The following OSBPL6 variants were observed in gnomAD, a reference collection of about 807,000 sequenced individuals.
The protein encoded by OSBPL6 is oxysterol-binding protein-related protein 6.
In OSBPL6, 49 loss-of-function variants were observed where a neutral mutation model predicts 125.8. The ratio of observed to expected loss-of-function variants is 0.39; its 90% CI spans 0.31 to 0.49. The LOEUF (loss-of-function observed/expected upper bound fraction) is 0.49. Ranked by LOEUF, OSBPL6 falls within the 20% of genes least tolerant of loss-of-function variation. The probability of loss-of-function intolerance (pLI) is 0.88; values close to 1 mark genes in which losing one functional copy is unlikely to be tolerated. For synonymous variants in OSBPL6, 394 were observed against 391.8 expected, an observed-to-expected ratio of 1.01 and a Z score of -0.07; for missense variants, 986 against 1,135.4, an observed-to-expected ratio of 0.87 and a Z score of 1.89.
intron 8 of OSBPL6, among the ~76,000 whole-genome samples, chr2:178,334,373 A>G (rs1689490497): frequency 6.6e-6 from 1 of 152,206 alleles, no homozygotes; most frequent in Non-Finnish European, 1.5e-5. Flanking sequence ...AAACCATTGA[A>G]AAACCTCATA....
At position 178,400,212 on chromosome 2, in the gene OSBPL6, T is replaced by C. The variant is rs1323330714; in HGVS notation, c.*4653T>C. On this transcript the variant is annotated 3_prime_UTR_variant, in exon 25 of 25. Coordinates refer to ENST00000190611, the MANE Select transcript of OSBPL6 (RefSeq NM_032523.4). Reference sequence around the variant, plus strand: ...CTTAATTCTCATCTATTTAGTTTTTTAATAAAATTGTTGCTAGAATTTTTT... The same window carrying C: ...CTTAATTCTCATCTATTTAGTTTTTCAATAAAATTGTTGCTAGAATTTTTT... The C allele has an allele frequency of 6.6e-6, 1 of 152,090 alleles. No homozygotes were observed. Among genetic ancestry groups the C allele is most frequent in the Non-Finnish European group, 1.5e-5 (1 of 68,018 alleles). The allele number at this position is 152,090 out of a possible 1,614,324, so 9.4% of individuals were successfully genotyped here.
intron 3 of OSBPL6, among the ~76,000 whole-genome samples, chr2:178,317,437 CATAT>C (rs6147046): frequency 0.016 from 1,747 of 106,612 alleles, 15 homozygotes; most frequent in African/African-American, 0.043. Flanking sequence ...ACTTAGACAC[CATAT>C]ATATATATAT....
chr2:178,402,241 C>T lies in OSBPL6; in HGVS notation c.*6682C>T, dbSNP rs1039935336. On this transcript the variant is annotated 3_prime_UTR_variant, in exon 25 of 25. Transcript: ENST00000190611. ...ATATGGAGATAAAGAGTGGGGAGGA[C>T]AGAACTCTGAAACCTAAAAGGCAAG... is the stretch of plus-strand genomic sequence containing the variant. 1.3e-5 allele frequency: 2 copies of T among 152,130 alleles called. No individual in the cohort carries two copies. The highest frequency in any genetic ancestry group is 6.5e-5 in the Admixed American group (1 of 15,274). The allele number at this position is 152,130 out of a possible 1,614,324, so 9.4% of individuals were successfully genotyped here.
chr2:178,262,729 A>C (rs2092102363), intron 1 of OSBPL6, among the ~76,000 whole-genome samples: 1 of 152,184 alleles, frequency 6.6e-6, no homozygotes, highest in Admixed American at 6.5e-5. Flanking sequence ...TGAATGCTTA[A>C]GTTTCTAAAT....
chr2:178,344,198 C>T, intron 11 of OSBPL6: 1 of 1,201,472 alleles, frequency 8.3e-7, no homozygotes, highest in Admixed American at 1.8e-5. Context: ...CTCTCCCTCT[C>T]CTTGTCTGAT....
intron 2 of OSBPL6, among the ~76,000 whole-genome samples, chr2:178,288,646 T>C (rs1174879242): frequency 2.0e-5 from 3 of 152,016 alleles, no homozygotes; most frequent in African/African-American, 7.2e-5. Context: ...AGGGACTTTT[T>C]TTTTTTTTTT....
Position 178,235,398 on chromosome 2 carries a change from C to CTTTTTTTTTTT in OSBPL6, c.-351+40740_-351+40750dup, listed in dbSNP as rs540269327. On this transcript the variant is annotated intron_variant, in intron 1 of 24. Transcript: ENST00000190611. ...CTTTCTTTCCTTTTTCTTTTCTTTT[C>CTTTTTTTTTTT]TTTTTTTTTTTTTTTTTTTTTTTTT... Among the ~76,000 whole-genome samples the CTTTTTTTTTTT allele has an allele frequency of 3.6e-3, 279 of 78,040 alleles. 10 individuals are homozygous for CTTTTTTTTTTT. Among genetic ancestry groups the CTTTTTTTTTTT allele is most frequent in the Admixed American group, 5.4e-3 (28 of 5,204 alleles). The allele number at this position is 78,040 out of a possible 152,430, so 51.2% of individuals were successfully genotyped here. A position where few individuals can be genotyped will look rare whatever the true frequency, so the allele number is the denominator to read the frequency against.
chr2:178,376,681 C>T (rs1008896432), intron 15 of OSBPL6, among the ~76,000 whole-genome samples: 1 of 152,154 alleles, frequency 6.6e-6, no homozygotes, highest in Non-Finnish European at 1.5e-5. Context: ...AAACAAAGAC[C>T]GTTATAATCT....
intron 1 of OSBPL6, among the ~76,000 whole-genome samples, chr2:178,238,853 T>C (rs1206281281): frequency 2.6e-5 from 4 of 152,160 alleles, no homozygotes; most frequent in Non-Finnish European, 4.4e-5. Flanking sequence ...ATGTAGGTAC[T>C]TCCCCCCAAC....
chr2:178,306,022 G>T lies in OSBPL6; in HGVS notation c.-155-8G>T. 2 of 522,492 alleles carry T rather than the reference G, an allele frequency of 3.8e-6. No individual in the cohort carries two copies. Among genetic ancestry groups the T allele is most frequent in the Non-Finnish European group, 3.4e-6 (1 of 291,406 alleles). 32.4% of individuals were successfully genotyped at this position (522,492 alleles called of 1,614,324 possible). A position where few individuals can be genotyped will look rare whatever the true frequency, so the allele number is the denominator to read the frequency against. On this transcript the variant is annotated splice_region_variant and splice_polypyrimidine_tract_variant and intron_variant, in intron 2 of 24. Transcript: ENST00000190611. ...TACTTATATGAGGCTTGTTTGTTTT[G>T]CTTTTAGGTGGTTTGGACACCCTCA...
chr2:178,366,694 C>T (rs1028865339), intron 13 of OSBPL6, among the ~76,000 whole-genome samples: 23 of 152,180 alleles, frequency 1.5e-4, no homozygotes, highest in Admixed American at 2.6e-4. Context: ...CTGTCATCCT[C>T]CCTGTCCACA....
Position 178,374,013 on chromosome 2 carries a change from T to G in OSBPL6, c.1519T>G (p.Ser507Ala). The change falls in exon 15 of 25, where the codon TCG becomes GCG. Residue 507 changes from serine to alanine, a missense_variant. Transcript: ENST00000190611. ...DAQEVLLSAS[S>A]SENEASDDES... ...CCAAGAGGTGCTCCTCTCTGCAAGT[T>G]CGTCAGAGAATGAGGTATGTATGCC... 1 of 1,614,068 alleles carries G rather than the reference T, an allele frequency of 6.2e-7. No homozygotes were observed. The highest frequency in any genetic ancestry group is 8.5e-7 in the Non-Finnish European group (1 of 1,179,938).
At chr2:178,379,309 A>AG (rs754765360) in intron 15 of OSBPL6, among the ~76,000 whole-genome samples, 20 of 132,906 alleles carry the variant, frequency 1.5e-4, no homozygotes, top group Non-Finnish European at 2.3e-4. Context: ...GAAAGAAAGA[A>AG]ACAGGAAGGA....
At chr2:178,372,637 G>T (rs183336409) in intron 14 of OSBPL6, among the ~76,000 whole-genome samples, 65 of 151,780 alleles carry the variant, frequency 4.3e-4, no homozygotes, top group Admixed American at 7.2e-4. Context: ...TGTTTTGAAA[G>T]CCCTAAGGAC....
chr2:178,321,008 G>A (rs1688191610), intron 3 of OSBPL6, among the ~76,000 whole-genome samples: 3 of 152,012 alleles, frequency 2.0e-5, no homozygotes, highest in African/African-American at 7.2e-5. Context: ...AAATACAACC[G>A]GGCGTGGTGG....
chr2:178,253,373 C>T (rs530892615), intron 1 of OSBPL6, among the ~76,000 whole-genome samples: 39 of 152,246 alleles, frequency 2.6e-4, no homozygotes, highest in Middle Eastern at 3.4e-3. Context: ...AAATAGTCTT[C>T]AGGAATTGCT....
chr2:178,318,961 C>T (rs1266201561), intron 3 of OSBPL6, among the ~76,000 whole-genome samples: 3 of 152,220 alleles, frequency 2.0e-5, no homozygotes, highest in Non-Finnish European at 4.4e-5. Flanking sequence ...ACTGTGCATA[C>T]ACTGGATGCC....
At chr2:178,332,844 A>G (rs751980781) in intron 7 of OSBPL6, 27 bp from the exon 8 acceptor site, 2 of 1,608,476 alleles carry the variant, frequency 1.2e-6, no homozygotes, top group Non-Finnish European at 1.7e-6. Context: ...TTTTACAATT[A>G]CTTTCTCCTC....
intron 2 of OSBPL6, among the ~76,000 whole-genome samples, chr2:178,292,822 A>G (rs1260868986): frequency 6.6e-6 from 1 of 152,162 alleles, no homozygotes; most frequent in Admixed American, 6.6e-5. Context: ...TATGAAGGAA[A>G]TGAAAAGAGT....
Sources: gnomAD v4.1 joint callset for allele counts (sites outside exome capture counted in the v4.1 genomes callset) on GRCh38, gnomAD v4.1.1 for gene constraint, MANE v1.5 for transcripts, NCBI Gene and HGNC (gene_info 2026-07-23, HGNC 2026-07-21) for gene names.